Variants in MDGA2 observed in about 807,000 individuals in gnomAD.
The protein encoded by MDGA2 is MAM domain-containing glycosylphosphatidylinositol anchor protein 2.
In MDGA2, 40 loss-of-function variants were observed where a neutral mutation model predicts 117.8. The observed-to-expected ratio is 0.34, with a 90% CI of 0.26 to 0.44. MDGA2 has a LOEUF of 0.44. Ranked by LOEUF, MDGA2 falls within the 20% of genes least tolerant of loss-of-function variation. The probability of loss-of-function intolerance (pLI) is 1.00; values close to 1 mark genes in which losing one functional copy is unlikely to be tolerated. For synonymous variants in MDGA2, 452 were observed against 439.0 expected, an observed-to-expected ratio of 1.03 and a Z score of -0.37; for missense variants, 1,123 against 1,250.6, an observed-to-expected ratio of 0.90 and a Z score of 1.54.
chr14:46,865,341 C>T (rs140990404), intron 14 of MDGA2, among the ~76,000 whole-genome samples: 5,729 of 152,132 alleles, frequency 0.038, 455 homozygotes, highest in Admixed American at 0.2. Flanking sequence ...AATTCAACAA[C>T]GCTTCATGCT....
At chr14:46,905,483 T>C (rs914634063) in intron 10 of MDGA2, among the ~76,000 whole-genome samples, 2 of 152,154 alleles carry the variant, frequency 1.3e-5, no homozygotes, top group African/African-American at 4.8e-5. Flanking sequence ...TTGATACCAA[T>C]TTGTGGTATT....
At chr14:47,669,601 A>C (rs1898038775) in intron 1 of MDGA2, among the ~76,000 whole-genome samples, 1 of 152,158 alleles carries the variant, frequency 6.6e-6, no homozygotes, top group South Asian at 2.1e-4. Context: ...CCAAGATACA[A>C]TGAGCAGCCC....
chr14:47,478,541 A>G (rs2138630092), intron 1 of MDGA2, among the ~76,000 whole-genome samples: 1 of 151,768 alleles, frequency 6.6e-6, no homozygotes, highest in East Asian at 1.9e-4. Flanking sequence ...TGACTGGCTA[A>G]TTTTTGTATT....
At chr14:47,050,187 A>C (rs1304763621) in intron 7 of MDGA2, among the ~76,000 whole-genome samples, 2 of 152,034 alleles carry the variant, frequency 1.3e-5, no homozygotes, top group African/African-American at 4.8e-5. Context: ...ACCTATGTTC[A>C]ACACTGTATG....
intron 3 of MDGA2, among the ~76,000 whole-genome samples, chr14:47,159,994 C>G (rs949693346): frequency 1.3e-5 from 2 of 152,126 alleles, no homozygotes; most frequent in African/African-American, 2.4e-5. Flanking sequence ...TAGTTTTCCC[C>G]TAGATTGCAG....
At chr14:47,040,176 C>T (rs1209083488) in intron 7 of MDGA2, among the ~76,000 whole-genome samples, 1 of 152,002 alleles carries the variant, frequency 6.6e-6, no homozygotes, top group Non-Finnish European at 1.5e-5. Context: ...AAATTTTACA[C>T]CTAATATATA....
intron 5 of MDGA2, among the ~76,000 whole-genome samples, chr14:47,124,684 T>C (rs1194953822): frequency 6.6e-6 from 1 of 151,888 alleles, no homozygotes; most frequent in Non-Finnish European, 1.5e-5. Context: ...TAACCAAGGG[T>C]AAATGAGGTC....
chr14:47,595,823 A>G (rs1896532674), intron 1 of MDGA2, among the ~76,000 whole-genome samples: 1 of 152,196 alleles, frequency 6.6e-6, no homozygotes, highest in South Asian at 2.1e-4. Context: ...TTCTTATATG[A>G]TTAGGTAGTT....
intron 1 of MDGA2, among the ~76,000 whole-genome samples, chr14:47,655,038 C>A (rs539201569): frequency 6.6e-6 from 1 of 152,000 alleles, no homozygotes; most frequent in Non-Finnish European, 1.5e-5. Flanking sequence ...GATATCAGTA[C>A]CACTTTTAAA....
chr14:47,641,666 A>G (rs1897427188), intron 1 of MDGA2, among the ~76,000 whole-genome samples: 1 of 152,156 alleles, frequency 6.6e-6, no homozygotes, highest in Non-Finnish European at 1.5e-5. Flanking sequence ...GCTATTTATC[A>G]TAATGAGGAT....
chr14:47,251,924 TTCTCTTG>T (rs953840773), intron 2 of MDGA2, among the ~76,000 whole-genome samples: 1 of 130,394 alleles, frequency 7.7e-6, no homozygotes, highest in Admixed American at 9.2e-5. Flanking sequence ...CAAGGTTGGT[TTCTCTTG>T]TATTATTATT....
At chr14:46,941,311 C>A (rs1301911975) in intron 9 of MDGA2, among the ~76,000 whole-genome samples, 1 of 152,186 alleles carries the variant, frequency 6.6e-6, no homozygotes, top group African/African-American at 2.4e-5. Context: ...TGGTTATAAC[C>A]TCTGGTCTGA....
rs1898153479 is a variant in MDGA2 at position 47,674,978 on chromosome 14, G to C, written c.-182C>G. On this transcript the variant is annotated 5_prime_UTR_variant, in exon 1 of 17. Coordinates refer to ENST00000399232, the MANE Select transcript of MDGA2 (RefSeq NM_001113498.3). ...GTGTTCTTCAGGGAAGCGGGCTCGAGTCTCCGCAGCTGCGGCGGCGGCGGC... is the reference window on the plus strand; with the variant it reads ...GTGTTCTTCAGGGAAGCGGGCTCGACTCTCCGCAGCTGCGGCGGCGGCGGC... 1 of 388,062 alleles carries C rather than the reference G, an allele frequency of 2.6e-6. No homozygotes were observed. The highest frequency in any genetic ancestry group is 4.5e-6 in the Non-Finnish European group (1 of 220,664). 24.0% of individuals were successfully genotyped at this position (388,062 alleles called of 1,614,324 possible).
intron 2 of MDGA2, among the ~76,000 whole-genome samples, chr14:47,257,032 C>T (rs1887644799): frequency 6.6e-6 from 1 of 152,068 alleles, no homozygotes; most frequent in Non-Finnish European, 1.5e-5. Flanking sequence ...AGGATATATA[C>T]AGGAACAGTT....
intron 8 of MDGA2, among the ~76,000 whole-genome samples, chr14:47,015,210 A>C (rs1265450328): frequency 6.6e-6 from 1 of 152,056 alleles, no homozygotes; most frequent in East Asian, 1.9e-4. Context: ...AATAATGTCT[A>C]AGATCACTGC....
At chr14:47,335,423 T>TA (rs1566743702) in intron 1 of MDGA2, among the ~76,000 whole-genome samples, 1 of 151,438 alleles carries the variant, frequency 6.6e-6, no homozygotes, top group Non-Finnish European at 1.5e-5. Context: ...TATGGATATG[T>TA]AGGCGAAAAG....
At chr14:47,601,037 A>G (rs1896638681) in intron 1 of MDGA2, among the ~76,000 whole-genome samples, 1 of 152,224 alleles carries the variant, frequency 6.6e-6, no homozygotes, top group Non-Finnish European at 1.5e-5. Flanking sequence ...TGTTTTCAGA[A>G]GTTTTTTAGA....
intron 6 of MDGA2, among the ~76,000 whole-genome samples, chr14:47,094,269 T>C (rs1958105): frequency 0.85 from 129,146 of 151,952 alleles, 55,302 homozygotes; most frequent in East Asian, 0.97. Context: ...ACACATCAGA[T>C]AAATTAAAGG....
At chr14:46,915,398 C>A (rs940347188) in intron 10 of MDGA2, among the ~76,000 whole-genome samples, 5 of 152,066 alleles carry the variant, frequency 3.3e-5, no homozygotes, top group Non-Finnish European at 7.4e-5. Flanking sequence ...AATTACACAT[C>A]CTATGCATGT....
Sources: gnomAD v4.1 joint callset for allele counts (sites outside exome capture counted in the v4.1 genomes callset) on GRCh38, gnomAD v4.1.1 for gene constraint, MANE v1.5 for transcripts, NCBI Gene and HGNC (gene_info 2026-07-23, HGNC 2026-07-21) for gene names.